Variants in PLEKHA5 observed in about 807,000 individuals in gnomAD.
PLEKHA5 encodes pleckstrin homology domain-containing family A member 5.
In PLEKHA5, 55 loss-of-function variants were observed where a neutral mutation model predicts 181.9. The observed-to-expected ratio is 0.30, with a 90% CI of 0.24 to 0.38. The LOEUF (loss-of-function observed/expected upper bound fraction) is 0.38, where lower values mean the gene tolerates loss of function less well. Among genes scored for constraint, PLEKHA5 ranks in the 10% least tolerant of loss-of-function variants. The probability of loss-of-function intolerance (pLI) is 1.00; values close to 1 mark genes in which losing one functional copy is unlikely to be tolerated. For missense variants in PLEKHA5, 1,432 were observed against 1,549.5 expected (o/e 0.92, Z 1.27); for synonymous variants, 535 against 529.4 (o/e 1.01, Z -0.15).
At chr12:19,334,425 C>T (rs892706099) in intron 20 of PLEKHA5, among the ~76,000 whole-genome samples, 1 of 152,062 alleles carries the variant, frequency 6.6e-6, no homozygotes, top group African/African-American at 2.4e-5. Context: ...GGATTCCTAC[C>T]ATCCTGAAAT....
In PLEKHA5 at chr12:19,336,906, C is replaced by T. The variant is rs528908589; in HGVS notation, c.2550+290C>T. Among the ~76,000 whole-genome samples the T allele has an allele frequency of 7.9e-5, 12 of 151,980 alleles. 1 individual carries two copies. The highest frequency in any genetic ancestry group is 5.2e-4 in the Admixed American group (8 of 15,264). On this transcript the variant is annotated intron_variant, in intron 21 of 31. Transcript: ENST00000429027. The stretch of plus-strand genomic sequence containing the variant: ...AAAAACATGGTTTCATATCCTTTCA[C>T]AGGTCCATCTGTGTCACTTGGTATT...
At chr12:19,167,958 C>T (rs971894762) in intron 3 of PLEKHA5, among the ~76,000 whole-genome samples, 4 of 152,146 alleles carry the variant, frequency 2.6e-5, no homozygotes, top group Non-Finnish European at 5.9e-5. Context: ...GTTGATAATT[C>T]CATATTTAAT....
At chr12:19,367,258 CTTTTTTTTTTTT>C (rs376634416) in intron 30 of PLEKHA5, among the ~76,000 whole-genome samples, 1 of 72,004 alleles carries the variant, frequency 1.4e-5, no homozygotes, top group South Asian at 5.7e-4. Flanking sequence ...TTTGCTTCTT[CTTTTTTTTTTTT>C]TTTTTTTTTT....
intron 7 of PLEKHA5, among the ~76,000 whole-genome samples, chr12:19,263,390 G>A (rs934119270): frequency 6.6e-6 from 1 of 152,150 alleles, no homozygotes; most frequent in Non-Finnish European, 1.5e-5. Flanking sequence ...CTCCAGAGCT[G>A]ACACTGTTAG....
intron 3 of PLEKHA5, among the ~76,000 whole-genome samples, chr12:19,180,794 G>GT (rs5796792): frequency 1.6e-3 from 238 of 145,304 alleles, no homozygotes; most frequent in African/African-American, 4.7e-3. Flanking sequence ...AAAATATAGT[G>GT]TTTTTTTTTT....
At chr12:19,218,581 A>G (rs987797288) in intron 3 of PLEKHA5, among the ~76,000 whole-genome samples, 4 of 152,180 alleles carry the variant, frequency 2.6e-5, no homozygotes, top group African/African-American at 9.6e-5. Flanking sequence ...TGATCTTTGT[A>G]GCAATATCCA....
chr12:19,330,793 T>G (rs2092764258), intron 20 of PLEKHA5, among the ~76,000 whole-genome samples: 1 of 152,164 alleles, frequency 6.6e-6, no homozygotes, highest in Admixed American at 6.6e-5. Flanking sequence ...TTTTTTTGCC[T>G]GATCCTCGAA....
At chr12:19,286,826 C>T (rs570281423) in intron 12 of PLEKHA5, among the ~76,000 whole-genome samples, 117 of 151,928 alleles carry the variant, frequency 7.7e-4, no homozygotes, top group East Asian at 1.4e-3. Context: ...ATTAGTCAGA[C>T]GTGGTGGCAT....
intron 3 of PLEKHA5, among the ~76,000 whole-genome samples, chr12:19,217,334 AG>A (rs974756340): frequency 6.6e-6 from 1 of 152,242 alleles, no homozygotes; most frequent in African/African-American, 2.4e-5. Context: ...GATTGAATAA[AG>A]CAGTAGGTTA....
chr12:19,240,667 T>A (rs2062391557), intron 3 of PLEKHA5, among the ~76,000 whole-genome samples: 1 of 151,458 alleles, frequency 6.6e-6, no homozygotes, highest in Non-Finnish European at 1.5e-5. Flanking sequence ...AGACAGGGCC[T>A]TTCTTTATTG....
chr12:19,348,541 T>C lies in PLEKHA5; in HGVS notation c.3019+22T>C, dbSNP rs777396697. The C allele has an allele frequency of 6.5e-6, 10 of 1,532,466 alleles. No individual in the cohort carries two copies. The African/African-American group carries it at 1.3e-4, about 19-fold the overall frequency. The allele number at this position is 1,532,466 out of a possible 1,614,324, so 94.9% of individuals were successfully genotyped here. Reference sequence around the variant, plus strand: ...AAAGGTCAGCATTTGTAATATGTTTTACCTCTTGGTTTTTGTTTTTGAAGA... The same window carrying C: ...AAAGGTCAGCATTTGTAATATGTTTCACCTCTTGGTTTTTGTTTTTGAAGA... On this transcript the variant is annotated intron_variant, in intron 25 of 31. Coordinates refer to ENST00000429027, the MANE Select transcript of PLEKHA5 (RefSeq NM_001256470.2).
Position 19,283,605 on chromosome 12 carries a change from A to T in PLEKHA5, c.1639A>T (p.Ile547Phe), listed in dbSNP as rs1283763654. 6.2e-7 allele frequency: 1 copy of T among 1,614,112 alleles called. No individual in the cohort carries two copies. The highest frequency in any genetic ancestry group is 1.7e-5 in the Admixed American group (1 of 60,018). The change falls in exon 12 of 32, where the codon ATT becomes TTT. Residue 547 changes from isoleucine (I) to phenylalanine (F), a missense_variant. By Grantham distance (21) the Ile-to-Phe change is conservative. Transcript: ENST00000429027. Reference protein sequence around the residue: ...VNISDQTMHSIPTSPSHGSIA... With the variant: ...VNISDQTMHSFPTSPSHGSIA... ...TATTTCTGACCAGACAATGCACTCT[A>T]TTCCCACATCACCTTCCCACGGGTC...
At chr12:19,374,930 G>A (rs1389454073) in intron 31 of PLEKHA5, among the ~76,000 whole-genome samples, 1 of 151,424 alleles carries the variant, frequency 6.6e-6, no homozygotes, top group African/African-American at 2.4e-5. Context: ...ACTCCACCCT[G>A]GGCAACAGAG....
At chr12:19,178,845 C>A (rs1414606012) in intron 3 of PLEKHA5, among the ~76,000 whole-genome samples, 1 of 152,160 alleles carries the variant, frequency 6.6e-6, no homozygotes, top group South Asian at 2.1e-4. Flanking sequence ...AAACAACTCT[C>A]AAAACACAAA....
intron 3 of PLEKHA5, among the ~76,000 whole-genome samples, chr12:19,160,862 T>C (rs1565882829): frequency 6.6e-6 from 1 of 152,086 alleles, no homozygotes; most frequent in Admixed American, 6.5e-5. Flanking sequence ...AATCTCAATA[T>C]TGTCCTAAGA....
chr12:19,232,892 A>G (rs2060845751), intron 3 of PLEKHA5, among the ~76,000 whole-genome samples: 1 of 152,148 alleles, frequency 6.6e-6, no homozygotes, highest in African/African-American at 2.4e-5. Flanking sequence ...CCCCATACCC[A>G]TGTCGATTGT....
In PLEKHA5 at chr12:19,291,646, T is replaced by A; in HGVS notation, c.1986T>A (p.Asn662Lys). 6.6e-7 allele frequency: 1 copy of A among 1,509,834 alleles called. No homozygotes were observed. The highest frequency in any genetic ancestry group is 1.4e-5 in the African/African-American group (1 of 72,568). The allele number at this position is 1,509,834 out of a possible 1,614,324, so 93.5% of individuals were successfully genotyped here. ...QLKLEAHSPK[N>K]EILSHHLQRN... Reference sequence around the variant, plus strand: ...TTTTCTTAATTGGTGCCTACTAGAATGAAATTCTTTCACATCATCTCCAAA... The same window carrying A: ...TTTTCTTAATTGGTGCCTACTAGAAAGAAATTCTTTCACATCATCTCCAAA... The change falls in exon 15 of 32, where the codon AAT (asparagine) becomes AAA (lysine). Residue 662 changes from asparagine to lysine, a missense_variant and splice_region_variant. Physicochemically the swap from Asn to Lys is moderately conservative, Grantham distance 94 (BLOSUM62 0). Coordinates refer to ENST00000429027, the MANE Select transcript of PLEKHA5 (RefSeq NM_001256470.2).
At chr12:19,183,785 C>A (rs2049163148) in intron 3 of PLEKHA5, among the ~76,000 whole-genome samples, 1 of 152,138 alleles carries the variant, frequency 6.6e-6, no homozygotes, top group Non-Finnish European at 1.5e-5. Context: ...GTGATCTTGG[C>A]TCACCGCACC....
At chr12:19,273,435 A>G (rs2073633966) in intron 10 of PLEKHA5, among the ~76,000 whole-genome samples, 2 of 151,846 alleles carry the variant, frequency 1.3e-5, no homozygotes, top group African/African-American at 2.4e-5. Flanking sequence ...GATTACAGAT[A>G]TATGTATATA....
Sources: allele counts gnomAD v4.1 joint callset (sites outside exome capture counted in the v4.1 genomes callset), GRCh38; gene constraint gnomAD v4.1.1; transcripts MANE v1.5; gene names NCBI Gene and HGNC (gene_info 2026-07-23, HGNC 2026-07-21).